MRPL22: variants seen among roughly 807,000 people sequenced by gnomAD.
The protein encoded by MRPL22 is mitochondrial ribosomal protein L22, also known as large ribosomal subunit protein uL22m.
Under a neutral mutation model 32.4 loss-of-function variants are expected in MRPL22, and 27 were observed. The ratio of observed to expected loss-of-function variants is 0.83; its 90% CI spans 0.61 to 1.15. MRPL22 has a LOEUF of 1.15. Ranked by LOEUF, MRPL22 falls within the 50% of genes most tolerant of loss-of-function variation. The pLI, the probability that MRPL22 is intolerant of heterozygous loss-of-function variation, is 0.00. For missense variants in MRPL22, 239 were observed against 260.2 expected, an observed-to-expected ratio of 0.92 and a Z score of 0.56; for synonymous variants, 86 against 87.3, an observed-to-expected ratio of 0.99 and a Z score of 0.08.
At chr5:154,947,364 T>C (rs1764505542) in intron 2 of MRPL22, among the ~76,000 whole-genome samples, 1 of 152,188 alleles carries the variant, frequency 6.6e-6, no homozygotes, top group African/African-American at 2.4e-5. Context: ...TTTTGTGCTT[T>C]TCAGTTAAGA....
chr5:154,944,472 T>C (rs1764462444), intron 2 of MRPL22, among the ~76,000 whole-genome samples: 1 of 152,160 alleles, frequency 6.6e-6, no homozygotes, highest in African/African-American at 2.4e-5. Context: ...GGCATAGTTA[T>C]TTACACTCAG....
intron 5 of MRPL22, among the ~76,000 whole-genome samples, chr5:154,958,352 GTAGTAATAGGTAAA>G (rs891604673): frequency 1.8e-4 from 27 of 151,950 alleles, no homozygotes; most frequent in African/African-American, 6.3e-4. Context: ...TTTCAGTTTA[GTAGTAATAGGTAAA>G]TAGTTGAGAT....
intron 2 of MRPL22, among the ~76,000 whole-genome samples, chr5:154,943,146 C>CTT (rs1260241119): frequency 6.8e-6 from 1 of 146,928 alleles, no homozygotes. Flanking sequence ...CTTTTTTTTC[C>CTT]TTTTTTTTTT....
chr5:154,952,696 G>A (rs2113537412), intron 3 of MRPL22, among the ~76,000 whole-genome samples: 1 of 152,232 alleles, frequency 6.6e-6, no homozygotes, highest in South Asian at 2.1e-4. Context: ...TAACTTACCA[G>A]AAATAATTTA....
Position 154,958,713 on chromosome 5 carries a change from A to G in MRPL22, c.340-1267A>G, listed in dbSNP as rs1352682742. ...ATGTGTGCCACCACGTCCAGCTAATATTTTTGTATTTTTAGTAGAGATGGG... is the reference window on the plus strand; with the variant it reads ...ATGTGTGCCACCACGTCCAGCTAATGTTTTTGTATTTTTAGTAGAGATGGG... On this transcript the variant is annotated intron_variant, in intron 5 of 6. Coordinates refer to ENST00000523037, the MANE Select transcript of MRPL22 (RefSeq NM_014180.4). 2.7e-5 allele frequency among the ~76,000 whole-genome samples: 4 copies of G among 150,116 alleles called. No individual in the cohort carries two copies. In the East Asian group the frequency reaches 6.0e-4, roughly 23 times the overall value.
intron 2 of MRPL22, among the ~76,000 whole-genome samples, chr5:154,947,471 G>T (rs1369141310): frequency 1.3e-5 from 2 of 152,174 alleles, no homozygotes; most frequent in African/African-American, 4.8e-5. Context: ...TGAACTTGGG[G>T]TAAAAATGAT....
At chr5:154,948,211 CTCCCTCATCATA>C (rs1215537702) in intron 2 of MRPL22, among the ~76,000 whole-genome samples, 2 of 152,140 alleles carry the variant, frequency 1.3e-5, no homozygotes, top group African/African-American at 4.8e-5. Context: ...AACCTGTACT[CTCCCTCATCATA>C]TTTTGAAACA....
chr5:154,947,778 G>C (rs1032753059), intron 2 of MRPL22, among the ~76,000 whole-genome samples: 7 of 152,184 alleles, frequency 4.6e-5, no homozygotes, highest in African/African-American at 1.4e-4. Flanking sequence ...AGTGGTCTAA[G>C]TCATTGCTGT....
In MRPL22 at chr5:154,966,820, C is replaced by A. The variant is rs768462552; in HGVS notation, c.544C>A (p.Pro182Thr). 1 of 1,614,186 alleles carries A rather than the reference C, an allele frequency of 6.2e-7. No individual in the cohort carries two copies. Among genetic ancestry groups the A allele is most frequent in the Middle Eastern group, 1.6e-4 (1 of 6,062 alleles). The change falls in exon 7 of 7, where the codon CCA becomes ACA. Residue 182 changes from proline (P) to threonine (T), a missense_variant. Transcript: ENST00000523037. ...GGAAGGGCCCCCACCTCCACCTGAG[C>A]CACCAAAGACGGCAGTTGCCCATGC... is the stretch of plus-strand genomic sequence containing the variant. ...LVEGPPPPPE[P>T]PKTAVAHAKE...
At chr5:154,947,159 G>T (rs1362100442) in intron 2 of MRPL22, among the ~76,000 whole-genome samples, 2 of 152,112 alleles carry the variant, frequency 1.3e-5, no homozygotes, top group Non-Finnish European at 2.9e-5. Flanking sequence ...TCTTAAGAAG[G>T]CTATGAGGTA....
chr5:154,941,840 G>T (rs190823351), intron 2 of MRPL22, among the ~76,000 whole-genome samples: 343 of 152,322 alleles, frequency 2.3e-3, no homozygotes, highest in Non-Finnish European at 3.9e-3. Flanking sequence ...TTCATTAAAG[G>T]TTAGGGTAAG....
At chr5:154,956,322 G>A in intron 3 of MRPL22, 49 bp from the exon 4 acceptor site, 2 of 1,339,884 alleles carry the variant, frequency 1.5e-6, no homozygotes, top group Non-Finnish European at 2.1e-6. Context: ...TCATTTTGTG[G>A]TAAACCTGCT....
Position 154,966,944 on chromosome 5 carries a change from C to A in MRPL22, c.*47C>A, listed in dbSNP as rs1286645829. On this transcript the variant is annotated 3_prime_UTR_variant, in exon 7 of 7. Coordinates refer to ENST00000523037, the MANE Select transcript of MRPL22 (RefSeq NM_014180.4). ...GTGTATATATTTTGCCATTTATTTT[C>A]TAAAAATAAACAAAAATTGAAGGCA... 1 of 1,513,010 alleles carries A rather than the reference C, an allele frequency of 6.6e-7. No individual in the cohort carries two copies. Among genetic ancestry groups the A allele is most frequent in the Admixed American group, 2.2e-5 (1 of 44,834 alleles). 93.7% of individuals were successfully genotyped at this position (1,513,010 alleles called of 1,614,324 possible).
intron 6 of MRPL22, among the ~76,000 whole-genome samples, chr5:154,964,526 G>T (rs376431653): frequency 2.0e-5 from 3 of 152,176 alleles, no homozygotes; most frequent in Non-Finnish European, 4.4e-5. Context: ...ACACCTCAGG[G>T]TGGCTGTGTT....
chr5:154,944,139 G>A (rs896115864), intron 2 of MRPL22, among the ~76,000 whole-genome samples: 12 of 152,146 alleles, frequency 7.9e-5, no homozygotes, highest in Admixed American at 6.5e-5. Context: ...TGTATTTTTA[G>A]TAGAGATGGG....
In MRPL22 at chr5:154,967,305, T is replaced by C; in HGVS notation, c.*408T>C. ...CATGGGAAGTTAGAGTGGCTGCATG[T>C]TGTTTCATTACAGTATTTTAGGGTG... On this transcript the variant is annotated 3_prime_UTR_variant, in exon 7 of 7. Transcript: ENST00000523037. This position sits in a 1 kb window ranked among gnomAD's most constrained non-coding sequence, Gnocchi z 4.7. The C allele has an allele frequency of 5.4e-6, 1 of 186,714 alleles. No homozygotes were observed. The highest frequency in any genetic ancestry group is 1.0e-4 in the South Asian group (1 of 9,800). 11.6% of individuals were successfully genotyped at this position (186,714 alleles called of 1,614,324 possible).
At chr5:154,957,355 G>T (rs918055755) in intron 5 of MRPL22, 143 bp downstream of exon 5, 1 of 625,962 alleles carries the variant, frequency 1.6e-6, no homozygotes, top group Non-Finnish European at 2.8e-6. Flanking sequence ...CAGATTTAGG[G>T]TTCTCAGTTT....
intron 6 of MRPL22, among the ~76,000 whole-genome samples, 161 bp downstream of exon 6, chr5:154,960,210 A>T (rs1418454977): frequency 6.6e-6 from 1 of 152,154 alleles, no homozygotes; most frequent in East Asian, 1.9e-4. Context: ...GCCAATTTTA[A>T]TTTAGTGTAA....
intron 5 of MRPL22, among the ~76,000 whole-genome samples, chr5:154,957,436 C>T (rs972982460): frequency 6.6e-6 from 1 of 152,022 alleles, no homozygotes; most frequent in Non-Finnish European, 1.5e-5. Context: ...TTTATTTCCA[C>T]CAAATATTTA....
Sources: gnomAD v4.1 joint callset for allele counts (sites outside exome capture counted in the v4.1 genomes callset) on GRCh38, gnomAD v4.1.1 for gene constraint, Gnocchi (gnomAD v3.1) non-coding constraint, MANE v1.5 for transcripts, NCBI Gene and HGNC (gene_info 2026-07-23, HGNC 2026-07-21) for gene names.